CFAP54: variants seen among roughly 807,000 people sequenced by gnomAD.
The protein encoded by CFAP54 is cilia- and flagella-associated protein 54.
A neutral mutation model predicts 370.4 loss-of-function variants in CFAP54; 290 were observed. The ratio of observed to expected loss-of-function variants is 0.78; its 90% confidence interval spans 0.71 to 0.86. CFAP54 has a LOEUF of 0.86. CFAP54 is among the 40% of genes least tolerant of loss of function. The pLI, the probability that CFAP54 is intolerant of heterozygous loss-of-function variation, is 0.00. For synonymous variants in CFAP54, 1,206 were observed against 1,236.5 expected (o/e 0.98, Z 0.52); for missense variants, 3,399 against 3,528.7 (o/e 0.96, Z 0.93).
chr12:96,565,854 C>A (rs897341791), intron 19 of CFAP54, among the ~76,000 whole-genome samples: 2 of 152,132 alleles, frequency 1.3e-5, no homozygotes, highest in Non-Finnish European at 1.5e-5. Context: ...CTACCCAAAT[C>A]TCATCTTAAA....
At chr12:96,867,760 TGAG>T (rs1353497711) in intron 67 of CFAP54, among the ~76,000 whole-genome samples, 23 of 152,094 alleles carry the variant, frequency 1.5e-4, no homozygotes, top group Non-Finnish European at 1.5e-5. Flanking sequence ...GAGGGGCTGT[TGAG>T]GAGATGTTGG....
At chr12:96,690,618 A>G (rs530780882) in intron 43 of CFAP54, among the ~76,000 whole-genome samples, 1 of 152,264 alleles carries the variant, frequency 6.6e-6, no homozygotes, top group South Asian at 2.1e-4. Flanking sequence ...ATAGCTTGGT[A>G]TAGTGGAAAG....
intron 17 of CFAP54, among the ~76,000 whole-genome samples, chr12:96,562,198 T>C (rs1955822819): frequency 6.6e-6 from 1 of 152,282 alleles, no homozygotes; most frequent in South Asian, 2.1e-4. Flanking sequence ...ACAACATCAA[T>C]GTAATTACTC....
intron 51 of CFAP54, among the ~76,000 whole-genome samples, chr12:96,740,946 C>T (rs1958043962): frequency 6.6e-6 from 1 of 152,120 alleles, no homozygotes. Flanking sequence ...AGTTATCTGG[C>T]CCTAAATAGG....
intron 43 of CFAP54, among the ~76,000 whole-genome samples, chr12:96,689,558 A>G (rs118091393): frequency 6.6e-6 from 1 of 152,270 alleles, no homozygotes; most frequent in Non-Finnish European, 1.5e-5. Context: ...TAGGAAGATC[A>G]TGTTACTAGT....
intron 50 of CFAP54, among the ~76,000 whole-genome samples, chr12:96,720,942 C>A (rs371197133): frequency 6.6e-6 from 1 of 151,906 alleles, no homozygotes; most frequent in Non-Finnish European, 1.5e-5. Context: ...ATCACTTGAG[C>A]CCGGGAGGCA....
intron 45 of CFAP54, among the ~76,000 whole-genome samples, chr12:96,696,741 T>C (rs1360982244): frequency 6.6e-6 from 1 of 152,156 alleles, no homozygotes; most frequent in African/African-American, 2.4e-5. Context: ...CATAGTAGGA[T>C]TGAAAAACCA....
rs539151960 is a variant in CFAP54 at position 96,629,529 on chromosome 12, G to A, written c.4104-564G>A. On this transcript the variant is annotated intron_variant, in intron 30 of 67. Transcript: ENST00000524981. ...AGGGTTTCACCCTGTTAGCCAGGAT[G>A]GTCTCTATCTCCTGACCTCGTGATC... Among the ~76,000 whole-genome samples the A allele has an allele frequency of 2.3e-4, 35 of 151,088 alleles. 3 individuals are homozygous for A. The South Asian group carries it at 7.1e-3, about 31-fold the overall frequency.
chr12:96,680,182 A>G (rs1328274317), intron 40 of CFAP54, among the ~76,000 whole-genome samples: 1 of 152,238 alleles, frequency 6.6e-6, no homozygotes, highest in Non-Finnish European at 1.5e-5. Context: ...AGCAAGCATC[A>G]ACAAGATTTC....
chr12:96,681,619 G>A (rs1957272789), intron 40 of CFAP54, among the ~76,000 whole-genome samples: 1 of 151,848 alleles, frequency 6.6e-6, no homozygotes, highest in Admixed American at 6.6e-5. Context: ...AGGCTGGAGT[G>A]CAGTGGCGTG....
chr12:96,568,202 A>T (rs1955880736), intron 19 of CFAP54, among the ~76,000 whole-genome samples: 1 of 149,002 alleles, frequency 6.7e-6, no homozygotes, highest in African/African-American at 2.5e-5. Context: ...TTTTTCAGAG[A>T]TCTTCTCAGC....
intron 46 of CFAP54, among the ~76,000 whole-genome samples, chr12:96,703,504 C>T (rs1957514530): frequency 6.6e-6 from 1 of 152,028 alleles, no homozygotes; most frequent in Non-Finnish European, 1.5e-5. Flanking sequence ...GGCAAAGGGA[C>T]ATCGCTGTTG....
chr12:96,752,790 C>T (rs1033024280), intron 55 of CFAP54, among the ~76,000 whole-genome samples: 26 of 152,158 alleles, frequency 1.7e-4, no homozygotes, highest in African/African-American at 6.0e-4. Context: ...AAACACTAGG[C>T]TTCATGACCT....
intron 50 of CFAP54, among the ~76,000 whole-genome samples, chr12:96,723,516 A>G (rs766992745): frequency 6.6e-6 from 1 of 152,180 alleles, no homozygotes; most frequent in Non-Finnish European, 1.5e-5. Context: ...AGGTAAGGAT[A>G]GAGAGTTGAC....
chr12:96,675,245 A>G (rs1164382734), intron 39 of CFAP54, among the ~76,000 whole-genome samples: 1 of 152,230 alleles, frequency 6.6e-6, no homozygotes, highest in Non-Finnish European at 1.5e-5. Flanking sequence ...TTACAAGAAA[A>G]AAACAAACAA....
chr12:96,525,026 C>T (rs1220610089), intron 8 of CFAP54, among the ~76,000 whole-genome samples: 1 of 152,040 alleles, frequency 6.6e-6, no homozygotes, highest in East Asian at 1.9e-4. Context: ...AATTGAAGGA[C>T]ATAAACACTT....
Position 96,626,800 on chromosome 12 carries a change from CTTG to C in CFAP54, c.3977-10_3977-8del, listed in dbSNP as rs1160892657. The C allele has an allele frequency of 1.5e-6, 2 of 1,304,068 alleles. No individual in the cohort carries two copies. The highest frequency in any genetic ancestry group is 5.2e-5 in the East Asian group (2 of 38,506). The allele number at this position is 1,304,068 out of a possible 1,614,324, so 80.8% of individuals were successfully genotyped here. A position where few individuals can be genotyped will look rare whatever the true frequency, so the allele number is the denominator to read the frequency against. Reference sequence around the variant, plus strand: ...ATATTGTTAACTATATATGAACTTCCTTGTTATTACAGTTATGAAATTTAAGCA... The same window carrying C: ...ATATTGTTAACTATATATGAACTTCCTTATTACAGTTATGAAATTTAAGCA... On this transcript the variant is annotated splice_polypyrimidine_tract_variant and intron_variant, in intron 29 of 67. Coordinates refer to ENST00000524981, the MANE Select transcript of CFAP54 (RefSeq NM_001306084.2).
Position 96,521,912 on chromosome 12 carries a change from T to G in CFAP54, c.998T>G (p.Met333Arg). Residue 333 changes from methionine (M) to arginine (R), a missense_variant, in exon 7 of 68, where the codon ATG becomes AGG. By Grantham distance (91) the Met-to-Arg change is moderately conservative. Transcript: ENST00000524981. ...KIDELRQLEL[M>R]SSSKSQEESR... ...GATGAGTTAAGGCAACTGGAATTAA[T>G]GAGTTCCTCAAAATCCCAGGAAGAA... 6.5e-7 allele frequency: 1 copy of G among 1,534,462 alleles called. No homozygotes were observed. Among genetic ancestry groups the G allele is most frequent in the Non-Finnish European group, 8.7e-7 (1 of 1,145,462 alleles).
intron 60 of CFAP54, among the ~76,000 whole-genome samples, chr12:96,779,176 C>T (rs1327179168): frequency 6.6e-6 from 1 of 151,578 alleles, no homozygotes; most frequent in Non-Finnish European, 1.5e-5. Flanking sequence ...AGGAAACACC[C>T]ATGTAACCAC....
Sources: gnomAD v4.1 joint callset for allele counts (sites outside exome capture counted in the v4.1 genomes callset) on GRCh38, gnomAD v4.1.1 for gene constraint, MANE v1.5 for transcripts, NCBI Gene and HGNC (gene_info 2026-07-23, HGNC 2026-07-21) for gene names.